Variants in ADCY9 observed in about 807,000 individuals in gnomAD.
The protein encoded by ADCY9 is adenylate cyclase 9, also known as adenylate cyclase type 9.
Under a neutral mutation model 101.5 loss-of-function variants are expected in ADCY9, and 50 were observed. The ratio of observed to expected loss-of-function variants is 0.49; its 90% confidence interval spans 0.39 to 0.62. ADCY9 has a LOEUF of 0.62. Ranked by LOEUF, ADCY9 falls within the 20% of genes least tolerant of loss-of-function variation. The probability of loss-of-function intolerance (pLI) is 0.00; values close to 1 mark genes in which losing one functional copy is unlikely to be tolerated. For synonymous variants in ADCY9, 905 were observed against 769.3 expected (o/e 1.18, Z -2.92); for missense variants, 1,662 against 1,800.4 (o/e 0.92, Z 1.39).
At chr16:4,110,002 T>C (rs2141208452) in intron 2 of ADCY9, among the ~76,000 whole-genome samples, 1 of 151,318 alleles carries the variant, frequency 6.6e-6, no homozygotes, top group South Asian at 2.1e-4. Context: ...CATACCCACC[T>C]CTCCGCTCTG....
intron 2 of ADCY9, among the ~76,000 whole-genome samples, chr16:4,041,757 T>G (rs1453519854): frequency 2.1e-5 from 3 of 145,858 alleles, no homozygotes; most frequent in South Asian, 2.1e-4. Context: ...TTTTTTTTGT[T>G]TTTTTTTTTT....
chr16:4,070,549 C>T (rs1175883756), intron 2 of ADCY9, among the ~76,000 whole-genome samples: 1 of 152,176 alleles, frequency 6.6e-6, no homozygotes, highest in Admixed American at 6.5e-5. Flanking sequence ...GGCCTGGTGG[C>T]TCACACCTGT....
At chr16:4,018,569 C>T (rs2141734782) in intron 2 of ADCY9, among the ~76,000 whole-genome samples, 1 of 152,294 alleles carries the variant, frequency 6.6e-6, no homozygotes, top group Middle Eastern at 3.4e-3. Flanking sequence ...CTGCCTTCAC[C>T]ACCTGTTGCT....
At position 4,115,718 on chromosome 16, in the gene ADCY9, G is replaced by T. The variant is rs1259009101; in HGVS notation, c.-72C>A. ...GAACGCCCGGGGGTCCCCGCCGCGT[G>T]GCCGCCGTGGCTCCGGGACCGCTTT... On this transcript the variant is annotated 5_prime_UTR_variant, in exon 1 of 11. Transcript: ENST00000294016. This position sits in a 1 kb window ranked among gnomAD's most constrained non-coding sequence, Gnocchi z 6.2. 2 of 424,368 alleles carry T rather than the reference G, an allele frequency of 4.7e-6. No homozygotes were observed. Among genetic ancestry groups the T allele is most frequent in the Non-Finnish European group, 8.3e-6 (2 of 242,258 alleles). The allele number at this position is 424,368 out of a possible 1,614,324, so 26.3% of individuals were successfully genotyped here. A position where few individuals can be genotyped will look rare whatever the true frequency, so the allele number is the denominator to read the frequency against.
intron 3 of ADCY9, 50 bp downstream of exon 3, chr16:4,007,318 G>T: frequency 6.8e-7 from 1 of 1,461,264 alleles, no homozygotes; most frequent in Non-Finnish European, 9.1e-7. Context: ...CTCTACTGCA[G>T]AATTAATAGA....
In ADCY9 at chr16:3,965,864, C is replaced by G; in HGVS notation, c.3973G>C (p.Gly1325Arg). Reference protein sequence around the residue: ...PVKAEERGRFGKAIEKDDCDE... With the variant: ...PVKAEERGRFRKAIEKDDCDE... Reference sequence around the variant, plus strand: ...CAGTCGTCTTTCTCTATGGCTTTGCCAAATCGACCCCTTTCTTCGGCTTTG... The same window carrying G: ...CAGTCGTCTTTCTCTATGGCTTTGCGAAATCGACCCCTTTCTTCGGCTTTG... Residue 1325 changes from glycine (G) to arginine (R), a missense_variant, in exon 11 of 11, where the codon GGC (glycine) becomes CGC (arginine). Coordinates refer to ENST00000294016, the MANE Select transcript of ADCY9 (RefSeq NM_001116.4). 6.2e-7 allele frequency: 1 copy of G among 1,614,210 alleles called. No individual in the cohort carries two copies. The highest frequency in any genetic ancestry group is 8.5e-7 in the Non-Finnish European group (1 of 1,180,052).
At chr16:4,018,846 T>G (rs2056455769) in intron 2 of ADCY9, among the ~76,000 whole-genome samples, 1 of 152,154 alleles carries the variant, frequency 6.6e-6, no homozygotes, top group Non-Finnish European at 1.5e-5. Context: ...TCTCCTGAGA[T>G]ATCTCTGCTA....
At chr16:4,021,502 C>A (rs1364133637) in intron 2 of ADCY9, among the ~76,000 whole-genome samples, 1 of 152,220 alleles carries the variant, frequency 6.6e-6, no homozygotes, top group Non-Finnish European at 1.5e-5. Context: ...CCCTCACCAT[C>A]TACCGGCACC....
intron 2 of ADCY9, among the ~76,000 whole-genome samples, chr16:4,076,773 A>G (rs1252676538): frequency 6.6e-6 from 1 of 152,126 alleles, no homozygotes; most frequent in Admixed American, 6.5e-5. Flanking sequence ...GCAGTGCATC[A>G]ATAATTAAGA....
intron 2 of ADCY9, among the ~76,000 whole-genome samples, chr16:4,055,357 A>C (rs2056730751): frequency 6.6e-6 from 1 of 151,926 alleles, no homozygotes; most frequent in South Asian, 2.1e-4. Flanking sequence ...ACATGGTGAA[A>C]CCCTGTCTCT....
Position 3,992,574 on chromosome 16 carries a change from C to G in ADCY9, c.1990-211G>C, listed in dbSNP as rs967613035. On this transcript the variant is annotated intron_variant, in intron 4 of 10. Coordinates refer to ENST00000294016, the MANE Select transcript of ADCY9 (RefSeq NM_001116.4). This position sits in a 1 kb window ranked among gnomAD's most constrained non-coding sequence, Gnocchi z 4.2. ...CCGTCTGCTCCTTCCTGTTACCCAA[C>G]AGTGCCCAGTGGTAACGCTGGGTGT... is the stretch of plus-strand genomic sequence containing the variant. Among the ~76,000 whole-genome samples, 1 of 152,168 alleles carries G rather than the reference C, an allele frequency of 6.6e-6. No individual in the cohort carries two copies. The highest frequency in any genetic ancestry group is 2.1e-4 in the South Asian group (1 of 4,832).
intron 2 of ADCY9, among the ~76,000 whole-genome samples, chr16:4,094,104 G>A (rs1039852219): frequency 1.4e-4 from 21 of 152,152 alleles, no homozygotes; most frequent in African/African-American, 2.2e-4. Context: ...AGAACACAGC[G>A]TTAATTATGT....
intron 5 of ADCY9, among the ~76,000 whole-genome samples, chr16:3,957,098 T>C (rs141879702): frequency 6.6e-6 from 1 of 152,134 alleles, no homozygotes; most frequent in Non-Finnish European, 1.5e-5. Flanking sequence ...ACCCTCCCCC[T>C]CCATCTGGGT....
chr16:4,082,196 C>T (rs1045716885), intron 2 of ADCY9, among the ~76,000 whole-genome samples: 4 of 151,742 alleles, frequency 2.6e-5, no homozygotes, highest in Admixed American at 2.0e-4. Flanking sequence ...GGCAACATAG[C>T]GAGACCCTGT....
intron 2 of ADCY9, among the ~76,000 whole-genome samples, chr16:4,082,331 A>G (rs2056908509): frequency 1.3e-5 from 2 of 152,162 alleles, no homozygotes; most frequent in African/African-American, 4.8e-5. Flanking sequence ...GTGAGCCACT[A>G]TTGCCACTGC....
intron 2 of ADCY9, among the ~76,000 whole-genome samples, chr16:4,085,082 C>T (rs1424325803): frequency 6.6e-6 from 1 of 152,142 alleles, no homozygotes; most frequent in African/African-American, 2.4e-5. Context: ...ACACTGGAAG[C>T]TGGACGCAGT....
chr16:3,978,579 C>CGAG (rs1305558840), intron 8 of ADCY9, among the ~76,000 whole-genome samples: 2 of 152,230 alleles, frequency 1.3e-5, no homozygotes, highest in Non-Finnish European at 2.9e-5. Context: ...CTGGCAGGGA[C>CGAG]TCGTGCCCAC....
At chr16:3,968,299 AT>A (rs1299726030) in intron 10 of ADCY9, among the ~76,000 whole-genome samples, 1 of 151,512 alleles carries the variant, frequency 6.6e-6, no homozygotes, top group Non-Finnish European at 1.5e-5. Flanking sequence ...CACCCAGCTA[AT>A]TTTGTATTTT....
intron 2 of ADCY9, among the ~76,000 whole-genome samples, chr16:4,104,329 T>G (rs1459258259): frequency 6.6e-6 from 1 of 152,224 alleles, no homozygotes; most frequent in Non-Finnish European, 1.5e-5. Context: ...AAATGACTAG[T>G]GCATGACGTT....
Sources: gnomAD v4.1 joint callset for allele counts (sites outside exome capture counted in the v4.1 genomes callset) on GRCh38, gnomAD v4.1.1 for gene constraint, Gnocchi (gnomAD v3.1) non-coding constraint, MANE v1.5 for transcripts, NCBI Gene and HGNC (gene_info 2026-07-23, HGNC 2026-07-21) for gene names.